SLC1A1: variants seen among roughly 807,000 people sequenced by gnomAD.
The protein encoded by SLC1A1 is solute carrier family 1 member 1.
Under a neutral mutation model 53.3 loss-of-function variants are expected in SLC1A1, and 43 were observed. The ratio of observed to expected loss-of-function variants is 0.81; its 90% confidence interval spans 0.63 to 1.04. SLC1A1 has a LOEUF of 1.04. Among genes scored for constraint, SLC1A1 ranks in the 50% least tolerant of loss-of-function variants. The probability of loss-of-function intolerance (pLI) is 0.00; values close to 1 mark genes in which losing one functional copy is unlikely to be tolerated. For missense variants in SLC1A1, 748 were observed against 664.9 expected (o/e 1.12, Z -1.37); for synonymous variants, 307 against 243.2 (o/e 1.26, Z -2.44).
At chr9:4,498,667 T>C (rs1820525355) in intron 1 of SLC1A1, among the ~76,000 whole-genome samples, 1 of 151,706 alleles carries the variant, frequency 6.6e-6, no homozygotes, top group South Asian at 2.1e-4. Context: ...TCATATATAT[T>C]TAATTTGTAT....
intron 1 of SLC1A1, among the ~76,000 whole-genome samples, chr9:4,502,470 C>G (rs1220314126): frequency 1.3e-5 from 2 of 148,814 alleles, no homozygotes; most frequent in Non-Finnish European, 3.0e-5. Context: ...TATTTTCTCC[C>G]TTGAAAAGTT....
chr9:4,574,062 G>C lies in SLC1A1; in HGVS notation c.875+48G>C, dbSNP rs1260646827. 51 of 1,257,162 alleles carry C rather than the reference G, an allele frequency of 4.1e-5. No homozygotes were observed. In the East Asian group the frequency reaches 1.2e-3, roughly 29 times the overall value. The allele number at this position is 1,257,162 out of a possible 1,614,324, so 77.9% of individuals were successfully genotyped here. A position where few individuals can be genotyped will look rare whatever the true frequency, so the allele number is the denominator to read the frequency against. On this transcript the variant is annotated intron_variant, in intron 8 of 11. Coordinates refer to ENST00000262352, the MANE Select transcript of SLC1A1 (RefSeq NM_004170.6). ...GACAGAAACCTCCTTTGATCTAATA[G>C]GATGGCCGCTGAGAGGTTGGGTTTC...
intron 2 of SLC1A1, among the ~76,000 whole-genome samples, chr9:4,546,064 C>T (rs949557897): frequency 1.4e-5 from 2 of 144,968 alleles, no homozygotes; most frequent in South Asian, 2.5e-4. Flanking sequence ...GGTGGGGGCA[C>T]GGGAGGGTGG....
Position 4,576,636 on chromosome 9 carries a change from C to T in SLC1A1, c.1066C>T (p.Arg356Ter), listed in dbSNP as rs773968205. 2.5e-6 allele frequency: 4 copies of T among 1,614,118 alleles called. No individual in the cohort carries two copies. The highest frequency in any genetic ancestry group is 3.4e-6 in the Non-Finnish European group (4 of 1,179,948). Residue 356 changes from arginine to a stop codon, truncating the protein, a stop_gained, in exon 10 of 12, where the codon CGA becomes TGA. Coordinates refer to ENST00000262352, the MANE Select transcript of SLC1A1 (RefSeq NM_004170.6). LOFTEE classifies it high-confidence loss of function. Reference sequence around the variant, plus strand: ...TAACCAGGTGGACAAGAGGATCACTCGATTCGTGTTACCCGTTGGTGCAAC... The same window carrying T: ...TAACCAGGTGGACAAGAGGATCACTTGATTCGTGTTACCCGTTGGTGCAAC... ...ENNQVDKRIT[R>*]FVLPVGATIN...
At chr9:4,572,484 G>T in intron 7 of SLC1A1, 96 bp downstream of exon 7, 1 of 1,070,634 alleles carries the variant, frequency 9.3e-7, no homozygotes, top group Non-Finnish European at 1.5e-6. Context: ...AACTGATGAA[G>T]CTAGAGAAGT....
chr9:4,495,080 C>G (rs1484023869), intron 1 of SLC1A1, among the ~76,000 whole-genome samples: 1 of 152,086 alleles, frequency 6.6e-6, no homozygotes, highest in African/African-American at 2.4e-5. Flanking sequence ...TTAGCAATAC[C>G]CTTGCCCAGC....
chr9:4,534,888 C>G (rs1816615690), intron 1 of SLC1A1, among the ~76,000 whole-genome samples: 1 of 152,134 alleles, frequency 6.6e-6, no homozygotes, highest in Non-Finnish European at 1.5e-5. Context: ...CCCTGGGATG[C>G]AAGGCTGGTT....
At chr9:4,492,744 C>T (rs752152549) in intron 1 of SLC1A1, among the ~76,000 whole-genome samples, 20 of 151,064 alleles carry the variant, frequency 1.3e-4, no homozygotes, top group African/African-American at 3.7e-4. Flanking sequence ...TGCAGTGAGC[C>T]GTGATCGTGA....
At chr9:4,566,334 G>C (rs1419854852) in intron 5 of SLC1A1, among the ~76,000 whole-genome samples, 1 of 152,094 alleles carries the variant, frequency 6.6e-6, no homozygotes, top group Non-Finnish European at 1.5e-5. Context: ...CCCCAAAAAG[G>C]CTCAAATGGT....
intron 5 of SLC1A1, among the ~76,000 whole-genome samples, chr9:4,566,647 A>C (rs1819512330): frequency 6.6e-6 from 1 of 152,168 alleles, no homozygotes; most frequent in Non-Finnish European, 1.5e-5. Context: ...CAGGAGTTCC[A>C]GACTAGCCTG....
intron 3 of SLC1A1, 53 bp from the exon 4 acceptor site, chr9:4,564,291 C>T (rs1819271219): frequency 2.4e-6 from 3 of 1,238,564 alleles, no homozygotes; most frequent in Admixed American, 3.6e-5. Context: ...GCCAGCTGTG[C>T]CAGGTGCCCT....
rs1821614930 is a variant in SLC1A1, at chr9:4,586,999, A to T, written c.*1441A>T. The T allele has an allele frequency of 6.6e-6, 1 of 152,612 alleles. No homozygotes were observed. Among genetic ancestry groups the T allele is most frequent in the African/African-American group, 2.4e-5 (1 of 41,434 alleles). 9.5% of individuals were successfully genotyped at this position (152,612 alleles called of 1,614,324 possible). A position where few individuals can be genotyped will look rare whatever the true frequency, so the allele number is the denominator to read the frequency against. On this transcript the variant is annotated 3_prime_UTR_variant, in exon 12 of 12. Transcript: ENST00000262352. ...ATGCTTAACATAAACTTGTACTTAC[A>T]CTGAAATCCAAAATAGTCATGTTTC...
At position 4,514,669 on chromosome 9, in the gene SLC1A1, G is replaced by C. The variant is rs552959481; in HGVS notation, c.91+23899G>C. ...GGGGTTGGGGCTGGGGCTAGGGTGG[G>C]TCAGAGAGCTTGCATGCCACCCTAT... is the stretch of plus-strand genomic sequence containing the variant. On this transcript the variant is annotated intron_variant, in intron 1 of 11. Coordinates refer to ENST00000262352, the MANE Select transcript of SLC1A1 (RefSeq NM_004170.6). Among the ~76,000 whole-genome samples, 12 of 152,188 alleles carry C rather than the reference G, an allele frequency of 7.9e-5. No individual in the cohort carries two copies. In the East Asian group the frequency reaches 2.3e-3, roughly 29 times the overall value.
intron 1 of SLC1A1, among the ~76,000 whole-genome samples, chr9:4,500,136 G>A (rs1405717319): frequency 2.6e-5 from 4 of 152,258 alleles, no homozygotes; most frequent in East Asian, 1.9e-4. Context: ...AGCTGTGTTC[G>A]CCTGAGGTAT....
chr9:4,537,156 C>T (rs1816704840), intron 1 of SLC1A1, among the ~76,000 whole-genome samples: 2 of 151,964 alleles, frequency 1.3e-5, no homozygotes, highest in East Asian at 3.9e-4. Flanking sequence ...AACTAACCTG[C>T]ACATTGTGCA....
intron 1 of SLC1A1, among the ~76,000 whole-genome samples, chr9:4,517,452 C>A (rs1222333056): frequency 6.6e-6 from 1 of 152,174 alleles, no homozygotes; most frequent in Non-Finnish European, 1.5e-5. Context: ...GTGGTGCTGG[C>A]ACGAAGAAGT....
chr9:4,552,856 G>A (rs59709246), intron 2 of SLC1A1, among the ~76,000 whole-genome samples: 2,250 of 151,696 alleles, frequency 0.015, 64 homozygotes, highest in African/African-American at 0.052. Context: ...ACCTTCAGAA[G>A]TTCCTATAAA....
intron 8 of SLC1A1, 75 bp downstream of exon 8, chr9:4,574,089 G>C (rs1387015099): frequency 1.9e-6 from 2 of 1,027,986 alleles, no homozygotes; most frequent in East Asian, 2.4e-5. Context: ...TTGGGTTTCA[G>C]TTGGTTAAAA....
At chr9:4,513,123 G>C (rs760134559) in intron 1 of SLC1A1, among the ~76,000 whole-genome samples, 1 of 151,754 alleles carries the variant, frequency 6.6e-6, no homozygotes, top group Non-Finnish European at 1.5e-5. Context: ...GAAAACATAG[G>C]GGTAAAATCT....
Sources: allele counts gnomAD v4.1 joint callset (sites outside exome capture counted in the v4.1 genomes callset), GRCh38; gene constraint gnomAD v4.1.1; transcripts MANE v1.5; gene names NCBI Gene and HGNC (gene_info 2026-07-23, HGNC 2026-07-21).